IQGAP1: variants seen among roughly 807,000 people sequenced by gnomAD.
The protein encoded by IQGAP1 is IQ motif containing GTPase activating protein 1.
IQGAP1 carries 66 observed loss-of-function variants against 215.6 expected under a neutral mutation model. The observed-to-expected ratio is 0.31, with a 90% CI of 0.25 to 0.38. The LOEUF is 0.38. IQGAP1 is among the 10% of genes least tolerant of loss of function. IQGAP1 has a pLI of 1.00. For synonymous variants in IQGAP1, 772 were observed against 728.7 expected, an observed-to-expected ratio of 1.06 and a Z score of -0.96; for missense variants, 1,712 against 1,997.1, an observed-to-expected ratio of 0.86 and a Z score of 2.72.
At chr15:90,447,158 A>G (rs555381470) in intron 9 of IQGAP1, among the ~76,000 whole-genome samples, 62 of 152,338 alleles carry the variant, frequency 4.1e-4, no homozygotes, top group African/African-American at 1.5e-3. Flanking sequence ...ATATCATTGA[A>G]GGAATGGATG....
intron 2 of IQGAP1, among the ~76,000 whole-genome samples, chr15:90,414,099 C>T (rs1417723824): frequency 6.6e-6 from 1 of 152,058 alleles, no homozygotes; most frequent in Non-Finnish European, 1.5e-5. Context: ...GACATGTCAC[C>T]ATCTCAGACT....
intron 2 of IQGAP1, among the ~76,000 whole-genome samples, chr15:90,399,968 C>T (rs1481553529): frequency 1.3e-5 from 2 of 152,078 alleles, no homozygotes; most frequent in Non-Finnish European, 2.9e-5. Flanking sequence ...CATTGAGAAA[C>T]AACATCTGAA....
chr15:90,424,980 C>T (rs184726640), intron 2 of IQGAP1, among the ~76,000 whole-genome samples: 1 of 151,964 alleles, frequency 6.6e-6, no homozygotes. Context: ...AGCTTTCCTT[C>T]GATATTCACA....
chr15:90,449,505 G>A (rs533543554), intron 10 of IQGAP1, 54 bp from the exon 11 acceptor site: 2 of 1,411,682 alleles, frequency 1.4e-6, no homozygotes, highest in South Asian at 1.2e-5. Flanking sequence ...GAACCTTAAG[G>A]CCTGGAGTCA....
Position 90,441,642 on chromosome 15 carries a change from T to A in IQGAP1, c.786T>A (p.Leu262=). 1 of 1,613,686 alleles carries A rather than the reference T, an allele frequency of 6.2e-7. No homozygotes were observed. The highest frequency in any genetic ancestry group is 1.7e-5 in the Admixed American group (1 of 59,970). Residue 262 remains leucine, a synonymous_variant, in exon 8 of 38, where the codon CTT becomes CTA. Coordinates refer to ENST00000268182, the MANE Select transcript of IQGAP1 (RefSeq NM_003870.4). ...TGGCATCCACTTACCAGGATATACT[T>A]TACCAGGCTAAGCAGGACAAAATGA... ...EPLASTYQDI[L]YQAKQDKMTN... is the part of the protein sequence containing the mutation.
chr15:90,501,008 G>C lies in IQGAP1; in HGVS notation c.*900G>C, dbSNP rs1178502918. The C allele has an allele frequency of 1.3e-5, 2 of 152,622 alleles. No individual in the cohort carries two copies. Among genetic ancestry groups the C allele is most frequent in the African/African-American group, 2.4e-5 (1 of 41,442 alleles). The allele number at this position is 152,622 out of a possible 1,614,324, so 9.5% of individuals were successfully genotyped here. A position where few individuals can be genotyped will look rare whatever the true frequency, so the allele number is the denominator to read the frequency against. The stretch of plus-strand genomic sequence containing the variant: ...GTGCCTTATTAAAGTATAGATGTAT[G>C]TCTTAAAATGTGGGTGATAGGAATT... On this transcript the variant is annotated 3_prime_UTR_variant, in exon 38 of 38. Transcript: ENST00000268182.
Position 90,474,600 on chromosome 15 carries a change from C to T in IQGAP1, c.2691C>T (p.Ile897=). ...LDLMKMREEV[I]TLIRSNQQLE... is the part of the protein sequence containing the mutation. ...TTATGAAGATGCGGGAAGAGGTTAT[C>T]ACCCTCATTCGTTCTAACCAGCAGC... Residue 897 remains isoleucine (I), a synonymous_variant, in exon 23 of 38, where the codon ATC becomes ATT. Coordinates refer to ENST00000268182, the MANE Select transcript of IQGAP1 (RefSeq NM_003870.4). 1 of 1,613,616 alleles carries T rather than the reference C, an allele frequency of 6.2e-7. No homozygotes were observed. Among genetic ancestry groups the T allele is most frequent in the Non-Finnish European group, 8.5e-7 (1 of 1,179,520 alleles).
chr15:90,392,748 C>CTTTTTTTTTTTTTT (rs10701656), intron 2 of IQGAP1, among the ~76,000 whole-genome samples: 5 of 117,826 alleles, frequency 4.2e-5, no homozygotes, highest in Non-Finnish European at 6.6e-5. Flanking sequence ...ATGTTTCTAT[C>CTTTTTTTTTTTTTT]TTTTTTTTTT....
chr15:90,422,755 G>T (rs1965164937), intron 2 of IQGAP1, among the ~76,000 whole-genome samples: 1 of 150,462 alleles, frequency 6.6e-6, no homozygotes, highest in African/African-American at 2.4e-5. Flanking sequence ...GAGTATGGTG[G>T]CACGATCATA....
intron 11 of IQGAP1, among the ~76,000 whole-genome samples, chr15:90,451,836 T>G (rs1412371039): frequency 6.6e-6 from 1 of 150,744 alleles, no homozygotes; most frequent in Non-Finnish European, 1.5e-5. Context: ...GTGTGCCCTT[T>G]TTTTTTTTTT....
intron 2 of IQGAP1, among the ~76,000 whole-genome samples, chr15:90,408,001 GAGTTTAGAC>G (rs1472097398): frequency 1.3e-5 from 2 of 152,238 alleles, no homozygotes; most frequent in Admixed American, 6.5e-5. Flanking sequence ...TAATGTGTGA[GAGTTTAGAC>G]AGGGAAAGAT....
chr15:90,485,688 C>T (rs1055937766), intron 30 of IQGAP1, among the ~76,000 whole-genome samples: 2 of 152,178 alleles, frequency 1.3e-5, no homozygotes, highest in Non-Finnish European at 2.9e-5. Context: ...GATCCACCCG[C>T]CTTGGCTTCC....
chr15:90,456,352 A>G, intron 15 of IQGAP1, 37 bp downstream of exon 15: 1 of 1,604,864 alleles, frequency 6.2e-7, no homozygotes, highest in Non-Finnish European at 8.5e-7. Flanking sequence ...TGTTCAGAGC[A>G]CCTCAGCCCT....
chr15:90,483,648 GA>G, intron 29 of IQGAP1, 55 bp downstream of exon 29: 1 of 1,292,116 alleles, frequency 7.7e-7, no homozygotes, highest in African/African-American at 1.5e-5. Flanking sequence ...TTTTATTGTT[GA>G]GGGGAAAAAT....
intron 22 of IQGAP1, 99 bp downstream of exon 22, chr15:90,474,232 G>C (rs559695581): frequency 1.8e-6 from 2 of 1,107,498 alleles, no homozygotes; most frequent in Non-Finnish European, 2.6e-6. Flanking sequence ...TGAAGGCAAG[G>C]CTTGGGGGAG....
intron 7 of IQGAP1, among the ~76,000 whole-genome samples, chr15:90,440,850 T>G (rs907529177): frequency 6.6e-6 from 1 of 152,254 alleles, no homozygotes; most frequent in Non-Finnish European, 1.5e-5. Context: ...GGCTCACGCC[T>G]GTAATCCCAG....
chr15:90,426,152 A>T lies in IQGAP1; in HGVS notation c.198A>T (p.Thr66=). The change falls in exon 3 of 38, where the codon ACA becomes ACT. Residue 66 remains threonine, a synonymous_variant. Transcript: ENST00000268182. ...ACLGEDLPPT[T]ELEEGLRNGV... is the part of the protein sequence containing the mutation. ...TAGGGGAAGATCTGCCTCCCACCAC[A>T]GAACTGGAGGAGGGGCTTAGGAATG... is the stretch of plus-strand genomic sequence containing the variant. 1 of 1,605,786 alleles carries T rather than the reference A, an allele frequency of 6.2e-7. No homozygotes were observed. The highest frequency in any genetic ancestry group is 8.5e-7 in the Non-Finnish European group (1 of 1,176,750).
intron 15 of IQGAP1, among the ~76,000 whole-genome samples, chr15:90,461,983 C>CAAAAAAAA (rs1365772796): frequency 4.7e-5 from 4 of 85,744 alleles, no homozygotes; most frequent in East Asian, 2.3e-4. Context: ...ACTAAAAACA[C>CAAAAAAAA]AAAAAAAAAA....
intron 26 of IQGAP1, among the ~76,000 whole-genome samples, chr15:90,481,295 T>TA (rs1180187622): frequency 9.3e-5 from 11 of 117,766 alleles, no homozygotes; most frequent in Non-Finnish European, 1.7e-4. Flanking sequence ...TTTTTTTTTT[T>TA]AAGACAAGGT....
Sources: allele counts gnomAD v4.1 joint callset (sites outside exome capture counted in the v4.1 genomes callset), GRCh38; gene constraint gnomAD v4.1.1; transcripts MANE v1.5; gene names NCBI Gene and HGNC (gene_info 2026-07-23, HGNC 2026-07-21).